ADD2: variants seen among roughly 807,000 people sequenced by gnomAD.
ADD2 encodes the protein beta-adducin.
Under a neutral mutation model 83.0 loss-of-function variants are expected in ADD2, and 23 were observed. The observed-to-expected ratio is 0.28, with a 90% confidence interval of 0.20 to 0.39. The LOEUF (loss-of-function observed/expected upper bound fraction) is 0.39, where lower values mean the gene tolerates loss of function less well. Ranked by LOEUF, ADD2 falls within the 10% of genes least tolerant of loss-of-function variation. The pLI is 1.00. For missense variants in ADD2, 758 were observed against 944.9 expected (o/e 0.80, Z 2.59); for synonymous variants, 375 against 375.4 (o/e 1.00, Z 0.01).
intron 13 of ADD2, chr2:70,675,991 T>C (rs1670120059): frequency 1.0e-6 from 1 of 985,450 alleles, no homozygotes; most frequent in Non-Finnish European, 1.2e-6. Flanking sequence ...GTAAGTGTGA[T>C]GATACAACTT....
At chr2:70,741,180 G>GT (rs1339732684) in intron 1 of ADD2, among the ~76,000 whole-genome samples, 1 of 152,218 alleles carries the variant, frequency 6.6e-6, no homozygotes, top group Non-Finnish European at 1.5e-5. Context: ...CGGAAAGAGA[G>GT]TCAGGAGCAT....
chr2:70,721,705 C>A (rs536454300), intron 1 of ADD2, among the ~76,000 whole-genome samples: 79 of 152,280 alleles, frequency 5.2e-4, no homozygotes, highest in African/African-American at 1.9e-3. Flanking sequence ...CAGGCAATTT[C>A]TGTACTAACA....
At chr2:70,763,096 T>C (rs1275918487) in intron 1 of ADD2, among the ~76,000 whole-genome samples, 1 of 152,024 alleles carries the variant, frequency 6.6e-6, no homozygotes, top group Admixed American at 6.5e-5. Context: ...AATAACATAA[T>C]CAATAAACTC....
At chr2:70,674,572 A>T (rs782045768) in intron 14 of ADD2, 106 bp downstream of exon 14, 97 of 1,252,366 alleles carry the variant, frequency 7.7e-5, no homozygotes, top group Non-Finnish European at 1.2e-5. Flanking sequence ...ACTACAGTAG[A>T]AATATTCTTT....
At chr2:70,665,720 G>A (rs1341252207) in intron 15 of ADD2, among the ~76,000 whole-genome samples, 11 of 151,636 alleles carry the variant, frequency 7.3e-5, no homozygotes, top group Admixed American at 2.0e-4. Context: ...CCTGATCCTC[G>A]TTCCCACTTC....
chr2:70,714,057 T>C (rs563759704), intron 1 of ADD2, among the ~76,000 whole-genome samples: 1 of 152,172 alleles, frequency 6.6e-6, no homozygotes, highest in East Asian at 1.9e-4. Context: ...CCTAAAGTAC[T>C]ACTGAAGGAG....
chr2:70,732,840 G>A (rs958288741), intron 1 of ADD2, among the ~76,000 whole-genome samples: 1 of 152,160 alleles, frequency 6.6e-6, no homozygotes, highest in African/African-American at 2.4e-5. Context: ...CTGGTTATTT[G>A]GGGGAGGAGG....
intron 1 of ADD2, among the ~76,000 whole-genome samples, chr2:70,721,457 G>A (rs1161175135): frequency 1.3e-5 from 2 of 152,122 alleles, no homozygotes; most frequent in Non-Finnish European, 2.9e-5. Context: ...CCTACAGCAG[G>A]TTATTATCAG....
At chr2:70,675,705 G>T (rs1372620167) in intron 13 of ADD2, 2 of 985,326 alleles carry the variant, frequency 2.0e-6, no homozygotes, top group Admixed American at 6.1e-5. Context: ...GGCCCGCCAG[G>T]TCTTCTGCCC....
At chr2:70,709,529 C>T (rs1027941417) in intron 2 of ADD2, among the ~76,000 whole-genome samples, 1 of 152,194 alleles carries the variant, frequency 6.6e-6, no homozygotes, top group Non-Finnish European at 1.5e-5. Context: ...CTATCTGTCA[C>T]TCAGTAGCTG....
intron 1 of ADD2, among the ~76,000 whole-genome samples, chr2:70,760,111 C>T (rs543747214): frequency 1.3e-5 from 2 of 152,358 alleles, no homozygotes; most frequent in East Asian, 3.9e-4. Flanking sequence ...GTTCTCTTCT[C>T]TAAAACTCAA....
Position 70,749,682 on chromosome 2 carries a change from C to T in ADD2, c.-154+18204G>A, listed in dbSNP as rs190204108. Among the ~76,000 whole-genome samples the T allele has an allele frequency of 3.4e-3, 512 of 152,316 alleles. 3 individuals are homozygous for T. Among genetic ancestry groups the T allele is most frequent in the Non-Finnish European group, 5.9e-3 (398 of 68,032 alleles). The stretch of plus-strand genomic sequence containing the variant: ...CTAATTTCCTGATGGAAATACTATC[C>T]TTTTCCCTCACCTCTTCCTCCTCCT... On this transcript the variant is annotated intron_variant, in intron 1 of 15. Transcript: ENST00000264436.
At chr2:70,765,773 T>A (rs1482670282) in intron 1 of ADD2, among the ~76,000 whole-genome samples, 1 of 152,246 alleles carries the variant, frequency 6.6e-6, no homozygotes, top group Non-Finnish European at 1.5e-5. Flanking sequence ...TGCTCATGTT[T>A]TTGTATCAGC....
intron 1 of ADD2, among the ~76,000 whole-genome samples, chr2:70,720,350 T>G (rs1305491603): frequency 6.6e-6 from 1 of 151,760 alleles, no homozygotes; most frequent in Non-Finnish European, 1.5e-5. Context: ...AAGGCTCACA[T>G]GGGGAACTGC....
chr2:70,675,053 A>G, intron 13 of ADD2: 1 of 1,284,704 alleles, frequency 7.8e-7, no homozygotes, highest in Non-Finnish European at 9.8e-7. Context: ...GGGGGTCCAC[A>G]GTCTGCCCCT....
intron 14 of ADD2, chr2:70,673,464 G>A (rs1574222039): frequency 3.1e-6 from 2 of 655,298 alleles, no homozygotes; most frequent in East Asian, 5.5e-5. Flanking sequence ...TTCTTTGCAT[G>A]TAACTATTGT....
intron 1 of ADD2, among the ~76,000 whole-genome samples, chr2:70,740,343 G>T (rs1301196410): frequency 6.6e-6 from 1 of 152,134 alleles, no homozygotes; most frequent in Admixed American, 6.5e-5. Context: ...TTGACAAAGA[G>T]GCTTAAAAAA....
intron 10 of ADD2, 53 bp downstream of exon 10, chr2:70,683,537 CA>C: frequency 6.5e-7 from 1 of 1,545,292 alleles, no homozygotes; most frequent in South Asian, 1.2e-5. Flanking sequence ...TTCCTGGTTC[CA>C]GGGGGCTAAG....
chr2:70,672,702 G>A (rs1669948620), intron 15 of ADD2, among the ~76,000 whole-genome samples, 176 bp downstream of exon 15: 1 of 152,212 alleles, frequency 6.6e-6, no homozygotes, highest in Non-Finnish European at 1.5e-5. Flanking sequence ...AAGGTGTAGT[G>A]TTATAGCTTG....
Sources: allele counts gnomAD v4.1 joint callset (sites outside exome capture counted in the v4.1 genomes callset), GRCh38; gene constraint gnomAD v4.1.1; transcripts MANE v1.5; gene names NCBI Gene and HGNC (gene_info 2026-07-23, HGNC 2026-07-21).